PARP15: variants seen among roughly 807,000 people sequenced by gnomAD.
PARP15 encodes protein mono-ADP-ribosyltransferase PARP15.
PARP15 carries 50 observed loss-of-function variants against 62.1 expected under a neutral mutation model. The observed-to-expected ratio is 0.81, with a 90% CI of 0.64 to 1.02. The LOEUF is 1.02. Among genes scored for constraint, PARP15 ranks in the 50% least tolerant of loss-of-function variants. The pLI is 0.00. For synonymous variants in PARP15, 309 were observed against 293.1 expected, an observed-to-expected ratio of 1.05 and a Z score of -0.55; for missense variants, 820 against 826.5, an observed-to-expected ratio of 0.99 and a Z score of 0.10.
chr3:122,577,722 C>T lies in PARP15; in HGVS notation c.55C>T (p.Pro19Ser). Residue 19 changes from proline (P) to serine (S), a missense_variant, in exon 1 of 12, where the codon CCC becomes TCC. Physicochemically the swap from Pro to Ser is moderately conservative, Grantham distance 74. Around this residue, in one of 3 missense-constraint regions of PARP15, gnomAD observed 731 missense variants for 727.7 expected, o/e 1.00. Coordinates refer to ENST00000464300, the MANE Select transcript of PARP15 (RefSeq NM_001113523.3). ...AAALSPGAPT[P>S]RELMHGVAGV... ...TGCTCTGAGTCCAGGGGCTCCGACC[C>T]CCAGAGAACTTATGCACGGAGTTGC... 2.6e-6 allele frequency: 4 copies of T among 1,551,694 alleles called. No homozygotes were observed. In the East Asian group the frequency reaches 7.3e-5, roughly 28 times the overall value.
Position 122,638,358 on chromosome 3 carries a change from C to T in PARP15, c.*2258C>T, listed in dbSNP as rs547084864. The T allele has an allele frequency of 4.0e-5, 6 of 151,776 alleles. No homozygotes were observed. The highest frequency in any genetic ancestry group is 8.8e-5 in the Non-Finnish European group (6 of 67,952). The allele number at this position is 151,776 out of a possible 1,614,324, so 9.4% of individuals were successfully genotyped here. ...TCAAATGGTATTTCTAGTTCTAGATCCCCGAGGAATCGCCACACTGACTTC... is the reference window on the plus strand; with the variant it reads ...TCAAATGGTATTTCTAGTTCTAGATTCCCGAGGAATCGCCACACTGACTTC... On this transcript the variant is annotated 3_prime_UTR_variant, in exon 12 of 12. Coordinates refer to ENST00000464300, the MANE Select transcript of PARP15 (RefSeq NM_001113523.3).
At chr3:122,624,675 C>T (rs868303541) in intron 8 of PARP15, among the ~76,000 whole-genome samples, 4 of 152,102 alleles carry the variant, frequency 2.6e-5, no homozygotes, top group East Asian at 1.9e-4. Context: ...CCCACTTTGA[C>T]GTCTCATACT....
rs1937436933 is a variant in PARP15, at chr3:122,637,545, C to G, written c.*1445C>G. Reference sequence around the variant, plus strand: ...GCAGCTCATTTATCCTGAAGCATCACTTTTGAAGAGTTACAGACATTTAAG... The same window carrying G: ...GCAGCTCATTTATCCTGAAGCATCAGTTTTGAAGAGTTACAGACATTTAAG... On this transcript the variant is annotated 3_prime_UTR_variant, in exon 12 of 12. Transcript: ENST00000464300. 1 of 152,078 alleles carries G rather than the reference C, an allele frequency of 6.6e-6. No individual in the cohort carries two copies. Among genetic ancestry groups the G allele is most frequent in the African/African-American group, 2.4e-5 (1 of 41,410 alleles). 9.4% of individuals were successfully genotyped at this position (152,078 alleles called of 1,614,324 possible).
chr3:122,632,281 T>G, intron 10 of PARP15, 62 bp downstream of exon 10: 1 of 1,476,598 alleles, frequency 6.8e-7, no homozygotes, highest in Non-Finnish European at 9.3e-7. Context: ...AAGCTATCTC[T>G]TTTTAAATAA....
intron 9 of PARP15, among the ~76,000 whole-genome samples, chr3:122,628,879 A>G (rs1936897426): frequency 6.6e-6 from 1 of 152,246 alleles, no homozygotes; most frequent in Non-Finnish European, 1.5e-5. Context: ...AATTTTAGTA[A>G]GGATTTATCA....
chr3:122,615,478 G>T (rs1436315932), intron 4 of PARP15: 10 of 1,213,222 alleles, frequency 8.2e-6, no homozygotes, highest in African/African-American at 1.6e-5. Context: ...AAAGAGGAGG[G>T]ATAACGATAG....
At chr3:122,602,086 T>C (rs570219826) in intron 1 of PARP15, among the ~76,000 whole-genome samples, 1 of 152,374 alleles carries the variant, frequency 6.6e-6, no homozygotes, top group South Asian at 2.1e-4. Context: ...CTTTGGACTT[T>C]CCTTAGTGGT....
chr3:122,634,883 A>G (rs1372810924), intron 10 of PARP15, 137 bp from the exon 11 acceptor site: 4 of 849,770 alleles, frequency 4.7e-6, no homozygotes, highest in African/African-American at 3.4e-5. Flanking sequence ...GTCTATTTGT[A>G]TTTTCTTCTC....
At position 122,613,105 on chromosome 3, in the gene PARP15, C is replaced by T; in HGVS notation, c.608C>T (p.Thr203Ile). The T allele has an allele frequency of 1.3e-6, 2 of 1,551,812 alleles. 1 individual carries two copies. The highest frequency in any genetic ancestry group is 2.4e-5 in the South Asian group (2 of 84,068). ...GAAGTGCTATCTTTCTCATCAATCACATTTCCCATGATTGGAACAGGAAGT... is the reference window on the plus strand; with the variant it reads ...GAAGTGCTATCTTTCTCATCAATCATATTTCCCATGATTGGAACAGGAAGT... ...TVEVLSFSSITFPMIGTGSLQ... is the reference protein window; with the variant it reads ...TVEVLSFSSIIFPMIGTGSLQ... Residue 203 changes from threonine (T) to isoleucine (I), a missense_variant, in exon 4 of 12, where the codon ACA (threonine) becomes ATA (isoleucine). Physicochemically the swap from Thr to Ile is moderately conservative, Grantham distance 89. Around this residue, in one of 3 missense-constraint regions of PARP15, gnomAD observed 731 missense variants for 727.7 expected, o/e 1.00. Transcript: ENST00000464300.
chr3:122,597,494 G>A (rs1185170195), intron 1 of PARP15, among the ~76,000 whole-genome samples: 3 of 151,996 alleles, frequency 2.0e-5, no homozygotes, highest in African/African-American at 7.2e-5. Flanking sequence ...ACTCCCAACC[G>A]CAGGTGATCT....
At chr3:122,593,229 C>A (rs985111676) in intron 1 of PARP15, among the ~76,000 whole-genome samples, 1 of 152,086 alleles carries the variant, frequency 6.6e-6, no homozygotes, top group Non-Finnish European at 1.5e-5. Flanking sequence ...ACCTTCACCC[C>A]CCGGGTTCAA....
At chr3:122,634,740 T>A (rs1270921130) in intron 10 of PARP15, among the ~76,000 whole-genome samples, 2 of 152,184 alleles carry the variant, frequency 1.3e-5, no homozygotes, top group Non-Finnish European at 2.9e-5. Flanking sequence ...TTGGTAATCA[T>A]TTAGATATAA....
chr3:122,619,003 C>T (rs1250532011), intron 6 of PARP15, among the ~76,000 whole-genome samples: 1 of 152,156 alleles, frequency 6.6e-6, no homozygotes, highest in African/African-American at 2.4e-5. Context: ...TAAAAAGAGA[C>T]ATTTTATAAC....
At chr3:122,590,439 AT>A (rs1426984426) in intron 1 of PARP15, among the ~76,000 whole-genome samples, 1 of 150,254 alleles carries the variant, frequency 6.7e-6, no homozygotes, top group South Asian at 2.1e-4. Context: ...CGCCCAACTA[AT>A]TTTTTTTGCA....
At position 122,638,450 on chromosome 3, in the gene PARP15, C is replaced by T. The variant is rs1937473874; in HGVS notation, c.*2350C>T. On this transcript the variant is annotated 3_prime_UTR_variant, in exon 12 of 12. Coordinates refer to ENST00000464300, the MANE Select transcript of PARP15 (RefSeq NM_001113523.3). The stretch of plus-strand genomic sequence containing the variant: ...AAGTGTTCCTATTTCTCCACATCCT[C>T]TCCAGCACCTGTTGCTTCCTAACTT... 1 of 152,202 alleles carries T rather than the reference C, an allele frequency of 6.6e-6. No individual in the cohort carries two copies. Among genetic ancestry groups the T allele is most frequent in the East Asian group, 1.9e-4 (1 of 5,200 alleles). 9.4% of individuals were successfully genotyped at this position (152,202 alleles called of 1,614,324 possible). A position where few individuals can be genotyped will look rare whatever the true frequency, so the allele number is the denominator to read the frequency against.
chr3:122,624,892 A>G (rs895516277), intron 8 of PARP15, among the ~76,000 whole-genome samples: 53 of 152,264 alleles, frequency 3.5e-4, no homozygotes, highest in African/African-American at 1.3e-3. Context: ...GATCCATCCT[A>G]TACTCTGTGT....
At chr3:122,626,783 G>A in intron 8 of PARP15, 44 bp from the exon 9 acceptor site, 8 of 1,559,978 alleles carry the variant, frequency 5.1e-6, no homozygotes, top group Non-Finnish European at 7.0e-6. Flanking sequence ...CATCATATTA[G>A]CAACATCGGG....
Position 122,613,079 on chromosome 3 carries a change from A to G in PARP15, c.582A>G (p.Val194=). Residue 194 remains valine, a synonymous_variant, in exon 4 of 12, where the codon GTA becomes GTG. Coordinates refer to ENST00000464300, the MANE Select transcript of PARP15 (RefSeq NM_001113523.3). ...TAATCAAGAAATGTTTGACAACTGTAGAAGTGCTATCTTTCTCATCAATCA... is the reference window on the plus strand; with the variant it reads ...TAATCAAGAAATGTTTGACAACTGTGGAAGTGCTATCTTTCTCATCAATCA... ...ANIIKKCLTT[V]EVLSFSSITF... The G allele has an allele frequency of 6.4e-7, 1 of 1,551,902 alleles. No homozygotes were observed. The highest frequency in any genetic ancestry group is 8.7e-7 in the Non-Finnish European group (1 of 1,146,974).
chr3:122,586,708 C>T (rs1298633473), intron 1 of PARP15, among the ~76,000 whole-genome samples: 4 of 151,286 alleles, frequency 2.6e-5, no homozygotes, highest in African/African-American at 4.9e-5. Context: ...TCCTATATAC[C>T]CCTCACACCC....
Sources: gnomAD v4.1 joint callset for allele counts (sites outside exome capture counted in the v4.1 genomes callset) on GRCh38, gnomAD v4.1.1 for gene constraint, gnomAD v4.1.1 regional missense constraint, MANE v1.5 for transcripts, NCBI Gene and HGNC (gene_info 2026-07-23, HGNC 2026-07-21) for gene names.